Variants in CACNB4 observed in about 807,000 individuals in gnomAD.
CACNB4 encodes the protein voltage-dependent L-type calcium channel subunit beta-4.
Under a neutral mutation model 71.2 loss-of-function variants are expected in CACNB4, and 32 were observed. That is an observed-to-expected ratio of 0.45 (90% confidence interval 0.34 to 0.60). CACNB4 has a LOEUF of 0.60. Among genes scored for constraint, CACNB4 ranks in the 20% least tolerant of loss-of-function variants. The pLI is 0.01. For missense variants in CACNB4, 464 were observed against 647.9 expected, an observed-to-expected ratio of 0.72 and a Z score of 3.08; for synonymous variants, 231 against 236.9, an observed-to-expected ratio of 0.97 and a Z score of 0.23.
intron 9 of CACNB4, among the ~76,000 whole-genome samples, chr2:151,864,314 A>G (rs1578517119): frequency 6.6e-6 from 1 of 152,332 alleles, no homozygotes; most frequent in East Asian, 1.9e-4. Context: ...AAATATAGTA[A>G]ATCTGAACCC....
At chr2:152,008,909 C>T (rs1682889082) in intron 2 of CACNB4, among the ~76,000 whole-genome samples, 1 of 152,184 alleles carries the variant, frequency 6.6e-6, no homozygotes, top group Non-Finnish European at 1.5e-5. Context: ...GGCAACTTCC[C>T]TTGGTTCTGT....
At chr2:151,913,715 G>A (rs535243516) in intron 2 of CACNB4, among the ~76,000 whole-genome samples, 1 of 146,812 alleles carries the variant, frequency 6.8e-6, no homozygotes, top group Admixed American at 6.9e-5. Context: ...GCAGTGAGCC[G>A]AGATCACGCC....
chr2:151,983,675 T>TCTCTCACACACACA (rs35313966), intron 2 of CACNB4, among the ~76,000 whole-genome samples: 1 of 141,430 alleles, frequency 7.1e-6, no homozygotes, highest in Non-Finnish European at 1.5e-5. Flanking sequence ...TAAACTTTGG[T>TCTCTCACACACACA]CACACACACA....
At chr2:152,078,654 C>A (rs899045649) in intron 2 of CACNB4, among the ~76,000 whole-genome samples, 2 of 152,150 alleles carry the variant, frequency 1.3e-5, no homozygotes, top group South Asian at 2.1e-4. Context: ...AAGGAAGCTG[C>A]TTATCCTCCT....
At chr2:151,943,317 T>A (rs1402116553) in intron 2 of CACNB4, among the ~76,000 whole-genome samples, 2 of 152,216 alleles carry the variant, frequency 1.3e-5, no homozygotes, top group African/African-American at 4.8e-5. Context: ...CTGAAATGTG[T>A]TCTGCCCAAA....
At chr2:151,912,619 C>T (rs1182022172) in intron 2 of CACNB4, among the ~76,000 whole-genome samples, 1 of 152,164 alleles carries the variant, frequency 6.6e-6, no homozygotes, top group Non-Finnish European at 1.5e-5. Context: ...TGCCAGGTGG[C>T]ACTGAGAAGA....
chr2:151,864,234 AGG>A (rs1173396036), intron 9 of CACNB4, among the ~76,000 whole-genome samples: 22 of 152,190 alleles, frequency 1.4e-4, no homozygotes, highest in Non-Finnish European at 2.9e-5. Context: ...AAAGACTAAT[AGG>A]AGTTTAGTTC....
At chr2:151,839,771 G>A (rs1304525951) in intron 13 of CACNB4, among the ~76,000 whole-genome samples, 1 of 152,074 alleles carries the variant, frequency 6.6e-6, no homozygotes, top group Non-Finnish European at 1.5e-5. Context: ...TTTCTCTCTT[G>A]AATTGATATA....
intron 2 of CACNB4, among the ~76,000 whole-genome samples, chr2:152,066,540 T>C (rs1239447409): frequency 2.7e-5 from 4 of 149,742 alleles, no homozygotes; most frequent in Non-Finnish European, 5.9e-5. Flanking sequence ...TTTTACACTG[T>C]TGGTGGGACT....
chr2:151,976,788 G>A (rs2151743647), intron 2 of CACNB4, among the ~76,000 whole-genome samples: 1 of 152,306 alleles, frequency 6.6e-6, no homozygotes, highest in Middle Eastern at 3.4e-3. Flanking sequence ...TCTAAACTGA[G>A]ACCAGGCTGA....
chr2:151,982,292 T>C (rs1037850081), intron 2 of CACNB4, among the ~76,000 whole-genome samples: 1 of 152,046 alleles, frequency 6.6e-6, no homozygotes, highest in Non-Finnish European at 1.5e-5. Flanking sequence ...GCCAATACAA[T>C]AGGAGTGAAA....
chr2:151,930,596 G>C (rs1373700930), intron 2 of CACNB4, among the ~76,000 whole-genome samples: 1 of 152,086 alleles, frequency 6.6e-6, no homozygotes, highest in Non-Finnish European at 1.5e-5. Flanking sequence ...TAGGGGATTG[G>C]TGAAACAAAT....
At chr2:151,843,307 A>AACTT (rs2099836706) in intron 12 of CACNB4, among the ~76,000 whole-genome samples, 1 of 152,020 alleles carries the variant, frequency 6.6e-6, no homozygotes, top group Non-Finnish European at 1.5e-5. Context: ...AGCACATCTC[A>AACTT]ACTTTCTTTC....
chr2:151,864,931 C>T (rs1258131169), intron 9 of CACNB4, among the ~76,000 whole-genome samples: 1 of 152,182 alleles, frequency 6.6e-6, no homozygotes, highest in Non-Finnish European at 1.5e-5. Flanking sequence ...ACCATGACCC[C>T]TCTCATTCCC....
At chr2:152,031,889 C>T (rs759818810) in intron 2 of CACNB4, among the ~76,000 whole-genome samples, 2 of 152,194 alleles carry the variant, frequency 1.3e-5, no homozygotes, top group African/African-American at 4.8e-5. Flanking sequence ...GCATTAGGCT[C>T]TCTAAAAGGG....
intron 2 of CACNB4, among the ~76,000 whole-genome samples, chr2:151,979,025 C>T (rs2099874262): frequency 6.6e-6 from 1 of 152,108 alleles, no homozygotes; most frequent in Non-Finnish European, 1.5e-5. Flanking sequence ...CAGCGCTCTC[C>T]CACTGGCCTC....
chr2:152,042,342 GT>G (rs1684916318), intron 2 of CACNB4, among the ~76,000 whole-genome samples: 1 of 152,094 alleles, frequency 6.6e-6, no homozygotes, highest in African/African-American at 2.4e-5. Flanking sequence ...CCCAGGTCTG[GT>G]TCTTATATGT....
chr2:151,909,825 G>C (rs1468421892), intron 2 of CACNB4, among the ~76,000 whole-genome samples: 1 of 152,128 alleles, frequency 6.6e-6, no homozygotes, highest in African/African-American at 2.4e-5. Context: ...CATTTGGGTT[G>C]GTTCCATGTC....
intron 2 of CACNB4, among the ~76,000 whole-genome samples, chr2:151,914,253 G>A (rs1261074726): frequency 6.6e-6 from 1 of 151,876 alleles, no homozygotes; most frequent in Non-Finnish European, 1.5e-5. Flanking sequence ...TTTTCTGCTT[G>A]GTCGATTCAG....
Sources: allele counts gnomAD v4.1 joint callset (sites outside exome capture counted in the v4.1 genomes callset), GRCh38; gene constraint gnomAD v4.1.1; transcripts MANE v1.5; gene names NCBI Gene and HGNC (gene_info 2026-07-23, HGNC 2026-07-21).